FBXO46: variants seen among roughly 807,000 people sequenced by gnomAD.
FBXO46 encodes F-box only protein 46.
Under a neutral mutation model 30.7 loss-of-function variants are expected in FBXO46, and 13 were observed. The ratio of observed to expected loss-of-function variants is 0.42; its 90% CI spans 0.28 to 0.67. The LOEUF (loss-of-function observed/expected upper bound fraction) is 0.67, where lower values mean the gene tolerates loss of function less well. Among genes scored for constraint, FBXO46 ranks in the 30% least tolerant of loss-of-function variants. FBXO46 has a pLI of 0.21. For synonymous variants in FBXO46, 467 were observed against 385.8 expected (o/e 1.21, Z -2.47); for missense variants, 754 against 871.5 (o/e 0.87, Z 1.70).
At chr19:45,728,718 C>A (rs1416297438) in intron 1 of FBXO46, among the ~76,000 whole-genome samples, 3 of 152,162 alleles carry the variant, frequency 2.0e-5, no homozygotes, top group Non-Finnish European at 2.9e-5. Context: ...AAAAATTAGT[C>A]CCAGCTACTT....
intron 1 of FBXO46, among the ~76,000 whole-genome samples, chr19:45,727,360 C>T (rs1968253627): frequency 6.6e-6 from 1 of 152,022 alleles, no homozygotes; most frequent in South Asian, 2.1e-4. Context: ...GAGTTCGAGA[C>T]CAGCCTGGCC....
rs918267686 is a variant in FBXO46, at chr19:45,711,725, C to T, written c.1771G>A (p.Gly591Arg). The T allele has an allele frequency of 4.5e-6, 7 of 1,546,716 alleles. No individual in the cohort carries two copies. In the Admixed American group the frequency reaches 9.7e-5, roughly 22 times the overall value. Residue 591 changes from glycine to arginine, a missense_variant, in exon 2 of 2, where the codon GGG (glycine) becomes AGG (arginine). Coordinates refer to ENST00000317683, the MANE Select transcript of FBXO46 (RefSeq NM_001080469.2). ...HDNNWVLPCNGPGGGRAGREE... is the reference protein window; with the variant it reads ...HDNNWVLPCNRPGGGRAGREE... ...CGGCCGGCCCGGCCCCCGCCTGGCC[C>T]ATTGCAGGGCAGCACCCAGTTGTTA...
chr19:45,712,906 GC>G lies in FBXO46; in HGVS notation c.589del (p.Ala197ArgfsTer3). On this transcript the variant is annotated frameshift_variant, in exon 2 of 2. Transcript: ENST00000317683. LOFTEE classifies it high-confidence loss of function. The surrounding 1 kb of genome is among the most constrained non-coding windows in gnomAD (Gnocchi z 8.8). ...CTCGGCGGACACAAAGACTACAGGC[GC>G]TGGGGTGGTCGGTCGTGGGTAGCTC... The part of the protein sequence containing the change: ...LQSYPRPTTP[A>X]PVVFVSAEQG... 6.2e-7 allele frequency: 1 copy of G among 1,612,308 alleles called. No individual in the cohort carries two copies.
upstream of FBXO46, among the ~76,000 whole-genome samples, chr19:45,732,588 C>CT (rs750349502): frequency 0.029 from 2,537 of 86,922 alleles, 31 homozygotes; most frequent in Non-Finnish European, 0.033. Flanking sequence ...CTTTTTTTTC[C>CT]TTTTTTTTTT....
chr19:45,721,812 C>T (rs752545924), intron 1 of FBXO46, among the ~76,000 whole-genome samples: 12 of 150,724 alleles, frequency 8.0e-5, no homozygotes, highest in African/African-American at 2.5e-4. Flanking sequence ...GGATTATAGG[C>T]GTGAGCCACC....
Position 45,712,483 on chromosome 19 carries a change from C to G in FBXO46, c.1013G>C (p.Ser338Thr). The G allele has an allele frequency of 6.2e-7, 1 of 1,606,992 alleles. No homozygotes were observed. The highest frequency in any genetic ancestry group is 1.1e-5 in the South Asian group (1 of 90,324). The change falls in exon 2 of 2, where the codon AGC becomes ACC. Residue 338 changes from serine (S) to threonine (T), a missense_variant. By Grantham distance (58) the Ser-to-Thr change is moderately conservative (BLOSUM62 1). Around this residue, in one of 5 missense-constraint regions of FBXO46, gnomAD observed 454 missense variants for 426.5 expected, o/e 1.06. Transcript: ENST00000317683. This position sits in a 1 kb window ranked among gnomAD's most constrained non-coding sequence, Gnocchi z 8.8. ...ARADEASEGD[S>T]PAPARPEDTP... ...GTCCTCAGGCCTGGCGGGTGCCGGG[C>G]TGTCACCCTCACTGGCCTCATCCGC...
At chr19:45,730,348 T>C (rs1249134282) in intron 1 of FBXO46, among the ~76,000 whole-genome samples, 1 of 151,892 alleles carries the variant, frequency 6.6e-6, no homozygotes, top group East Asian at 1.9e-4. Flanking sequence ...CCCTCAGTCC[T>C]GGAGCCTAAA....
chr19:45,715,525 G>A (rs1425323948), intron 1 of FBXO46: 1 of 152,114 alleles, frequency 6.6e-6, no homozygotes, highest in East Asian at 1.9e-4. Context: ...AACAATTCCA[G>A]GCCTGGCACA....
chr19:45,717,256 A>T (rs1968106328), intron 1 of FBXO46: 1 of 151,176 alleles, frequency 6.6e-6, no homozygotes, highest in Admixed American at 6.6e-5. Flanking sequence ...GCCCCCAAAG[A>T]GCCCTCACCC....
At chr19:45,718,007 A>G (rs1400400778) in intron 1 of FBXO46, among the ~76,000 whole-genome samples, 2 of 152,190 alleles carry the variant, frequency 1.3e-5, no homozygotes, top group Non-Finnish European at 2.9e-5. Flanking sequence ...GAGCAGCCAG[A>G]AAAGTCCTGT....
chr19:45,724,428 C>A (rs1328442986), intron 1 of FBXO46, among the ~76,000 whole-genome samples: 1 of 152,172 alleles, frequency 6.6e-6, no homozygotes, highest in Non-Finnish European at 1.5e-5. Flanking sequence ...TGCAGAACTG[C>A]CCTACCATTA....
In FBXO46 at chr19:45,713,968, C is replaced by CAAAAAAAAAAAAAAAAAAAAA. The variant is rs34349746; in HGVS notation, c.-78-416_-78-396dup. 1.4e-5 allele frequency among the ~76,000 whole-genome samples: 1 copy of CAAAAAAAAAAAAAAAAAAAAA among 73,138 alleles called. No individual in the cohort carries two copies. The allele number at this position is 73,138 out of a possible 152,430, so 48.0% of individuals were successfully genotyped here. On this transcript the variant is annotated intron_variant, in intron 1 of 1. Coordinates refer to ENST00000317683, the MANE Select transcript of FBXO46 (RefSeq NM_001080469.2). This position sits in a 1 kb window ranked among gnomAD's most constrained non-coding sequence, Gnocchi z 4.7. ...GGGCGACAAGAGCGAAACTCCGTCT[C>CAAAAAAAAAAAAAAAAAAAAA]AAAAAAAAAAAAAAAAAAAAAAAGA...
Position 45,713,038 on chromosome 19 carries a change from G to C in FBXO46, c.458C>G (p.Pro153Arg). The change falls in exon 2 of 2, where the codon CCC (proline) becomes CGC (arginine). Residue 153 changes from proline to arginine, a missense_variant. This residue lies in a region of FBXO46 where 454 missense variants were observed against 426.5 expected (regional missense o/e 1.06). Transcript: ENST00000317683. The surrounding 1 kb of genome is among the most constrained non-coding windows in gnomAD (Gnocchi z 4.7). ...GGCGGGGCCCTCCTCAGCAGCAGGG[G>C]GGCCCTCCCGGCCCCCTGGGTCAGG... ...APPDPGGREGPPAAEEGPASA... is the reference protein window; with the variant it reads ...APPDPGGREGRPAAEEGPASA... 1 of 1,560,172 alleles carries C rather than the reference G, an allele frequency of 6.4e-7. No homozygotes were observed. Among genetic ancestry groups the C allele is most frequent in the Non-Finnish European group, 8.7e-7 (1 of 1,155,174 alleles).
chr19:45,726,365 T>C (rs1968240090), intron 1 of FBXO46, among the ~76,000 whole-genome samples: 1 of 151,354 alleles, frequency 6.6e-6, no homozygotes, highest in South Asian at 2.1e-4. Context: ...ACAAAAAAAA[T>C]GGCTGGGCAC....
Position 45,711,461 on chromosome 19 carries a change from C to G in FBXO46, c.*223G>C, listed in dbSNP as rs1417986729. The G allele has an allele frequency of 1.0e-5, 7 of 685,700 alleles. No individual in the cohort carries two copies. Among genetic ancestry groups the G allele is most frequent in the Non-Finnish European group, 1.9e-5 (7 of 377,062 alleles). The allele number at this position is 685,700 out of a possible 1,614,324, so 42.5% of individuals were successfully genotyped here. A position where few individuals can be genotyped will look rare whatever the true frequency, so the allele number is the denominator to read the frequency against. ...TGCTGATAAAAAAAAAAAAAACACC[C>G]TTCTCAGAGGGTCCACGGCCCTGGT... On this transcript the variant is annotated 3_prime_UTR_variant, in exon 2 of 2. Transcript: ENST00000317683.
At chr19:45,719,596 C>T (rs2146153515) in intron 1 of FBXO46, among the ~76,000 whole-genome samples, 1 of 152,356 alleles carries the variant, frequency 6.6e-6, no homozygotes, top group East Asian at 1.9e-4. Context: ...ACTCAATCTA[C>T]ACCCTTGGTT....
rs752142229 is a variant in FBXO46, at chr19:45,712,737, C to A, written c.759G>T (p.Gly253=). 2 of 1,611,598 alleles carry A rather than the reference C, an allele frequency of 1.2e-6. No homozygotes were observed. Among genetic ancestry groups the A allele is most frequent in the Non-Finnish European group, 8.5e-7 (1 of 1,178,940 alleles). The part of the protein sequence containing the change: ...TKGLRKEERP[G]PGPGEVRIAF... ...CGATGCGCACCTCCCCAGGGCCTGGCCCGGGCCGCTCTTCCTTGCGGAGGC... is the reference window on the plus strand; with the variant it reads ...CGATGCGCACCTCCCCAGGGCCTGGACCGGGCCGCTCTTCCTTGCGGAGGC... Residue 253 remains glycine, a synonymous_variant, in exon 2 of 2, where the codon GGG becomes GGT. Transcript: ENST00000317683. This position sits in a 1 kb window ranked among gnomAD's most constrained non-coding sequence, Gnocchi z 8.8.
intron 1 of FBXO46, among the ~76,000 whole-genome samples, chr19:45,726,256 G>A (rs1050085476): frequency 6.6e-6 from 1 of 152,116 alleles, no homozygotes; most frequent in Non-Finnish European, 1.5e-5. Context: ...TGAGGTGAGA[G>A]GATCACTTGA....
intron 1 of FBXO46, among the ~76,000 whole-genome samples, chr19:45,723,135 G>A (rs565767845): frequency 6.6e-6 from 1 of 152,290 alleles, no homozygotes; most frequent in Non-Finnish European, 1.5e-5. Flanking sequence ...CACTTTGGGG[G>A]GCCAGGGCAG....
Sources: allele counts gnomAD v4.1 joint callset (sites outside exome capture counted in the v4.1 genomes callset), GRCh38; gene constraint gnomAD v4.1.1; regional missense constraint gnomAD v4.1.1; non-coding constraint Gnocchi (gnomAD v3.1); transcripts MANE v1.5; gene names NCBI Gene and HGNC (gene_info 2026-07-23, HGNC 2026-07-21).